MPP7: variants seen among roughly 807,000 people sequenced by gnomAD.
MPP7 encodes MAGUK p55 scaffold protein 7, also known as MAGUK p55 subfamily member 7.
In MPP7, 60 loss-of-function variants were observed where a neutral mutation model predicts 76.5. That is an observed-to-expected ratio of 0.78 (90% CI 0.64 to 0.97). The LOEUF is 0.97. MPP7 is among the 50% of genes least tolerant of loss of function. The pLI, the probability that MPP7 is intolerant of heterozygous loss-of-function variation, is 0.00. For missense variants in MPP7, 641 were observed against 694.0 expected (o/e 0.92, Z 0.86); for synonymous variants, 237 against 244.5 (o/e 0.97, Z 0.29).
At chr10:28,157,987 TAG>T (rs71791190) in intron 3 of MPP7, among the ~76,000 whole-genome samples, 18,911 of 152,160 alleles carry the variant, frequency 0.12, 1,913 homozygotes, top group African/African-American at 0.28. Flanking sequence ...ACAATGTCCC[TAG>T]AGTTCACCAC....
chr10:28,322,136 A>T (rs1834374302), intron 2 of MPP7, among the ~76,000 whole-genome samples: 1 of 152,126 alleles, frequency 6.6e-6, no homozygotes, highest in Admixed American at 6.6e-5. Flanking sequence ...CATTTATATA[A>T]GGAGCCCTGC....
At chr10:28,118,960 A>G in intron 11 of MPP7, 1 of 985,466 alleles carries the variant, frequency 1.0e-6, no homozygotes, top group Non-Finnish European at 1.2e-6. Context: ...TAAAATACCT[A>G]GAACCATGAA....
intron 1 of MPP7, among the ~76,000 whole-genome samples, chr10:28,269,730 GTT>G (rs968163534): frequency 6.6e-6 from 1 of 151,776 alleles, no homozygotes; most frequent in African/African-American, 2.4e-5. Flanking sequence ...GTTTCACAAT[GTT>G]GTCTAGGCTG....
At chr10:28,173,848 A>G (rs1279447623) in intron 3 of MPP7, among the ~76,000 whole-genome samples, 1 of 152,236 alleles carries the variant, frequency 6.6e-6, no homozygotes, top group Non-Finnish European at 1.5e-5. Flanking sequence ...TGTGAATTAT[A>G]AGACTCAGTA....
In MPP7 at chr10:28,238,658, G is replaced by A. The variant is rs1429013165; in HGVS notation, c.-54C>T. 18 of 1,594,802 alleles carry A rather than the reference G, an allele frequency of 1.1e-5. No homozygotes were observed. The highest frequency in any genetic ancestry group is 6.7e-5 in the Admixed American group (4 of 59,754). ...ACCGCTCTCCGGACACCCTGCCTTC[G>A]GACAGCCACAGGGAATTCCAATTCA... On this transcript the variant is annotated 5_prime_UTR_variant, in exon 2 of 17. Transcript: ENST00000683449.
Position 28,325,518 on chromosome 10 carries a change from G to A in MPP7, c.-132+4411C>T, listed in dbSNP as rs555320470. On this transcript the variant is annotated intron_variant, in intron 2 of 11. Coordinates refer to the MPP7 transcript ENST00000441595. ...TTCTTTTTTTTCTTTTTTTGAGACC[G>A]AGTCTTGCTCTGTCGCCCAGGCTGG... is the stretch of plus-strand genomic sequence containing the variant. 2.6e-5 allele frequency among the ~76,000 whole-genome samples: 4 copies of A among 151,248 alleles called. No homozygotes were observed. The East Asian group carries it at 5.9e-4, about 22-fold the overall frequency.
intron 1 of MPP7, among the ~76,000 whole-genome samples, chr10:28,282,743 A>G (rs566970747): frequency 1.3e-5 from 2 of 151,868 alleles, no homozygotes; most frequent in Non-Finnish European, 2.9e-5. Context: ...TCTCCCTTAC[A>G]CTGTTCGGAT....
At chr10:28,183,428 A>G (rs536693737) in intron 3 of MPP7, among the ~76,000 whole-genome samples, 58 of 152,348 alleles carry the variant, frequency 3.8e-4, no homozygotes, top group African/African-American at 1.3e-3. Context: ...ATTTCTAATC[A>G]CAGACTATTA....
intron 1 of MPP7, among the ~76,000 whole-genome samples, chr10:28,252,601 T>C (rs1210002480): frequency 6.6e-6 from 1 of 152,202 alleles, no homozygotes; most frequent in South Asian, 2.1e-4. Context: ...ATACTCTCAC[T>C]GTTTTCTTCA....
At chr10:28,187,190 T>C (rs1937808) in intron 3 of MPP7, among the ~76,000 whole-genome samples, 125,519 of 152,114 alleles carry the variant, frequency 0.83, 52,403 homozygotes, top group African/African-American at 0.89. Context: ...GAGGGCACAG[T>C]CGCACTAAAT....
intron 1 of MPP7, among the ~76,000 whole-genome samples, chr10:28,266,046 G>GCCTC (rs1564744381): frequency 6.6e-6 from 1 of 151,976 alleles, no homozygotes. Flanking sequence ...TGCAACCTCC[G>GCCTC]CCTCCCGAGT....
chr10:28,185,382 G>A (rs572546641), intron 3 of MPP7, among the ~76,000 whole-genome samples: 1 of 152,018 alleles, frequency 6.6e-6, no homozygotes, highest in Admixed American at 6.6e-5. Context: ...TTTGCAAAAG[G>A]GTGGGACATG....
intron 1 of MPP7, among the ~76,000 whole-genome samples, chr10:28,269,855 T>C (rs77159858): frequency 2.6e-3 from 402 of 152,274 alleles, no homozygotes; most frequent in African/African-American, 9.0e-3. Context: ...TAAGATTAGA[T>C]CATTTTCCTT....
chr10:28,291,064 C>A lies in MPP7; in HGVS notation c.-132+11797G>T, dbSNP rs1029454122. Among the ~76,000 whole-genome samples, 3 of 152,332 alleles carry A rather than the reference C, an allele frequency of 2.0e-5. 1 individual carries two copies. Among genetic ancestry groups the A allele is most frequent in the Admixed American group, 2.0e-4 (3 of 15,308 alleles). ...CATGGAGAAGAAGAATAAATGCCTA[C>A]TGCTGCACAGTTTAGGATGTTTCTA... On this transcript the variant is annotated intron_variant, in intron 1 of 16. Coordinates refer to ENST00000683449, the MANE Select transcript of MPP7 (RefSeq NM_001318170.2).
intron 11 of MPP7, among the ~76,000 whole-genome samples, chr10:28,104,024 G>C (rs1456293115): frequency 6.6e-6 from 1 of 152,094 alleles, no homozygotes; most frequent in Non-Finnish European, 1.5e-5. Flanking sequence ...AATGCATATA[G>C]TACTTTGGAG....
chr10:28,287,487 T>C (rs1268121210), intron 1 of MPP7, among the ~76,000 whole-genome samples: 1 of 152,242 alleles, frequency 6.6e-6, no homozygotes, highest in Non-Finnish European at 1.5e-5. Flanking sequence ...TTTCTCACTT[T>C]GTGGTATTTA....
intron 2 of MPP7, among the ~76,000 whole-genome samples, chr10:28,229,500 A>G (rs1838805428): frequency 6.6e-6 from 1 of 152,252 alleles, no homozygotes. Flanking sequence ...GCAGATGGAA[A>G]AACCATGGTG....
At chr10:28,151,139 A>T (rs1835870644) in intron 3 of MPP7, among the ~76,000 whole-genome samples, 1 of 152,196 alleles carries the variant, frequency 6.6e-6, no homozygotes, top group South Asian at 2.1e-4. Context: ...CTGGAAGATA[A>T]ATTTTATTCT....
chr10:28,213,764 C>T (rs2134029981), intron 2 of MPP7, among the ~76,000 whole-genome samples: 1 of 146,564 alleles, frequency 6.8e-6, no homozygotes, highest in African/African-American at 2.5e-5. Context: ...TGCACTCCAA[C>T]CTGGGCAACA....
Sources: allele counts gnomAD v4.1 joint callset (sites outside exome capture counted in the v4.1 genomes callset), GRCh38; gene constraint gnomAD v4.1.1; transcripts MANE v1.5; gene names NCBI Gene and HGNC (gene_info 2026-07-23, HGNC 2026-07-21).